CDH10: variants seen among roughly 807,000 people sequenced by gnomAD.
CDH10 encodes the protein cadherin 10.
CDH10 carries 30 observed loss-of-function variants against 73.1 expected under a neutral mutation model. The observed-to-expected ratio is 0.41, with a 90% CI of 0.31 to 0.56. The LOEUF (loss-of-function observed/expected upper bound fraction) is 0.56. Ranked by LOEUF, CDH10 falls within the 20% of genes least tolerant of loss-of-function variation. The pLI, the probability that CDH10 is intolerant of heterozygous loss-of-function variation, is 0.27. For missense variants in CDH10, 815 were observed against 973.7 expected (o/e 0.84, Z 2.17); for synonymous variants, 345 against 348.2 (o/e 0.99, Z 0.10).
chr5:24,513,289 G>T (rs1434485028), intron 5 of CDH10, among the ~76,000 whole-genome samples: 1 of 152,016 alleles, frequency 6.6e-6, no homozygotes, highest in African/African-American at 2.4e-5. Context: ...AAAGTGCTGG[G>T]ATTACAGGCA....
At chr5:24,611,896 T>C (rs928670297) in intron 1 of CDH10, 10 of 152,088 alleles carry the variant, frequency 6.6e-5, no homozygotes, top group Admixed American at 4.6e-4. Context: ...TGAAGGCCAA[T>C]AGCCATCAAG....
At chr5:24,634,288 G>A (rs966328527) in intron 1 of CDH10, among the ~76,000 whole-genome samples, 14 of 151,706 alleles carry the variant, frequency 9.2e-5, no homozygotes, top group Non-Finnish European at 1.9e-4. Flanking sequence ...CAAAATAGAT[G>A]CAAGTTAAAC....
intron 2 of CDH10, among the ~76,000 whole-genome samples, chr5:24,552,580 ACTTTGT>A (rs1182310604): frequency 6.6e-6 from 1 of 151,920 alleles, no homozygotes; most frequent in Non-Finnish European, 1.5e-5. Context: ...TTAATTTCGA[ACTTTGT>A]CAATGCAGAT....
rs1554016940 is a variant in CDH10 at position 24,504,506 on chromosome 5, C to CTGTTTTTTTTTTTTTTTTTTTTT, written c.1393+605_1393+606insAAAAAAAAAAAAAAAAAAAAACA. On this transcript the variant is annotated intron_variant, in intron 8 of 11. Transcript: ENST00000264463. ...TATTAAATGCTTTTCTCCTATTAAT[C>CTGTTTTTTTTTTTTTTTTTTTTT]TTTTTTTTTTTTTTTTTTTTTTTTT... is the stretch of plus-strand genomic sequence containing the variant. Among the ~76,000 whole-genome samples, 4 of 65,164 alleles carry CTGTTTTTTTTTTTTTTTTTTTTT rather than the reference C, an allele frequency of 6.1e-5. 2 individuals are homozygous for CTGTTTTTTTTTTTTTTTTTTTTT. The highest frequency in any genetic ancestry group is 3.2e-4 in the Admixed American group (2 of 6,252). The allele number at this position is 65,164 out of a possible 152,430, so 42.8% of individuals were successfully genotyped here.
chr5:24,492,863 G>A lies in CDH10; in HGVS notation c.1578C>T (p.Phe526=). The A allele has an allele frequency of 6.3e-7, 1 of 1,589,354 alleles. No homozygotes were observed. Among genetic ancestry groups the A allele is most frequent in the Non-Finnish European group, 8.6e-7 (1 of 1,158,122 alleles). Residue 526 remains phenylalanine (F), a synonymous_variant, in exon 10 of 12, where the codon TTC becomes TTT. Transcript: ENST00000264463. ...AGTTTGGATTGACAGCAGCTAAACT[G>A]AAAAAAAATTTCTGTCCACCTAAAG... is the stretch of plus-strand genomic sequence containing the variant. ...DDPLGGQKFF[F]SLAAVNPNFT... is the part of the protein sequence containing the mutation.
chr5:24,548,726 TAAAC>T (rs1223598460), intron 2 of CDH10, among the ~76,000 whole-genome samples: 1 of 152,054 alleles, frequency 6.6e-6, no homozygotes, highest in African/African-American at 2.4e-5. Flanking sequence ...AATAATCTGA[TAAAC>T]AAAAAGAAAA....
intron 7 of CDH10, among the ~76,000 whole-genome samples, chr5:24,505,985 G>A (rs1297767346): frequency 6.6e-6 from 1 of 151,892 alleles, no homozygotes; most frequent in Non-Finnish European, 1.5e-5. Flanking sequence ...GTGGTGGCAC[G>A]TGCCTGTAGT....
intron 2 of CDH10, among the ~76,000 whole-genome samples, chr5:24,565,632 G>A (rs1283642142): frequency 6.6e-6 from 1 of 152,082 alleles, no homozygotes; most frequent in Non-Finnish European, 1.5e-5. Context: ...AATTAGATTT[G>A]GAGATAGGGC....
At chr5:24,495,469 C>A (rs1742237093) in intron 9 of CDH10, among the ~76,000 whole-genome samples, 1 of 152,118 alleles carries the variant, frequency 6.6e-6, no homozygotes, top group Non-Finnish European at 1.5e-5. Flanking sequence ...AGTTAGAAAA[C>A]TGGTTAAGTT....
intron 3 of CDH10, among the ~76,000 whole-genome samples, chr5:24,536,993 A>T (rs577916170): frequency 6.6e-6 from 1 of 152,054 alleles, no homozygotes; most frequent in South Asian, 2.1e-4. Context: ...AATTATGACT[A>T]GAGTATATGT....
chr5:24,620,678 C>T (rs908992953), intron 1 of CDH10, among the ~76,000 whole-genome samples: 1 of 152,116 alleles, frequency 6.6e-6, no homozygotes, highest in Non-Finnish European at 1.5e-5. Context: ...TTTGGGAAAT[C>T]AACTTTGAAT....
In CDH10 at chr5:24,564,592, C is replaced by A. The variant is rs1250883547; in HGVS notation, c.232-26918G>T. Among the ~76,000 whole-genome samples the A allele has an allele frequency of 3.3e-5, 5 of 152,102 alleles. 1 individual carries two copies. The South Asian group carries it at 8.3e-4, about 25-fold the overall frequency. On this transcript the variant is annotated intron_variant, in intron 2 of 11. Coordinates refer to ENST00000264463, the MANE Select transcript of CDH10 (RefSeq NM_006727.5). ...AAAGTGAGCAAGTCCCCCACGGCCC[C>A]CTCCAGGACATTTTTATATCAATCT...
chr5:24,593,494 T>A lies in CDH10; in HGVS notation c.-4A>T, dbSNP rs753139872. 6.6e-7 allele frequency: 1 copy of A among 1,506,294 alleles called. No homozygotes were observed. Among genetic ancestry groups the A allele is most frequent in the Non-Finnish European group, 9.2e-7 (1 of 1,082,320 alleles). 93.3% of individuals were successfully genotyped at this position (1,506,294 alleles called of 1,614,324 possible). ...GCAAAAATTGATGTATTGTCATAGT[T>A]CACTTCTTGACAAATCCCAGTGTAG... is the stretch of plus-strand genomic sequence containing the variant. On this transcript the variant is annotated 5_prime_UTR_variant, in exon 2 of 12. Transcript: ENST00000264463.
intron 5 of CDH10, among the ~76,000 whole-genome samples, chr5:24,534,311 G>A (rs574354189): frequency 3.7e-4 from 56 of 151,394 alleles, no homozygotes; most frequent in Admixed American, 3.7e-3. Context: ...ATTTTTTTTT[G>A]TGTCACATTT....
intron 5 of CDH10, among the ~76,000 whole-genome samples, chr5:24,517,518 G>T (rs1743152853): frequency 6.6e-6 from 1 of 152,124 alleles, no homozygotes; most frequent in African/African-American, 2.4e-5. Flanking sequence ...CCAACATTTA[G>T]AAAATTTGAT....
At chr5:24,634,470 A>G (rs370895619) in intron 1 of CDH10, among the ~76,000 whole-genome samples, 1 of 151,772 alleles carries the variant, frequency 6.6e-6, no homozygotes, top group Non-Finnish European at 1.5e-5. Flanking sequence ...ATCCTGATGA[A>G]TAAGCCATGA....
intron 2 of CDH10, among the ~76,000 whole-genome samples, chr5:24,558,276 T>C (rs559565656): frequency 2.0e-5 from 3 of 151,792 alleles, no homozygotes; most frequent in South Asian, 2.1e-4. Context: ...TATTTTGTTA[T>C]ATAGAAATTA....
chr5:24,599,861 T>G (rs532546384), intron 1 of CDH10, among the ~76,000 whole-genome samples: 1 of 152,248 alleles, frequency 6.6e-6, no homozygotes, highest in African/African-American at 2.4e-5. Context: ...CTAATTATGG[T>G]TTAATATTTG....
intron 7 of CDH10, among the ~76,000 whole-genome samples, chr5:24,506,301 A>C (rs955827393): frequency 6.6e-6 from 1 of 152,194 alleles, no homozygotes; most frequent in Admixed American, 6.5e-5. Flanking sequence ...AACTAGATTA[A>C]CATTCTGGTT....
Sources: gnomAD v4.1 joint callset for allele counts (sites outside exome capture counted in the v4.1 genomes callset) on GRCh38, gnomAD v4.1.1 for gene constraint, MANE v1.5 for transcripts, NCBI Gene and HGNC (gene_info 2026-07-23, HGNC 2026-07-21) for gene names.